CHRNA3: variants seen among roughly 807,000 people sequenced by gnomAD.
CHRNA3 encodes cholinergic receptor nicotinic alpha 3 subunit, also known as neuronal acetylcholine receptor subunit alpha-3.
CHRNA3 carries 34 observed loss-of-function variants against 41.9 expected under a neutral mutation model. The observed-to-expected ratio is 0.81, with a 90% CI of 0.62 to 1.08. CHRNA3 has a LOEUF of 1.08. Ranked by LOEUF, CHRNA3 falls within the 50% of genes least tolerant of loss-of-function variation. CHRNA3 has a pLI of 0.00. For synonymous variants in CHRNA3, 281 were observed against 265.2 expected, an observed-to-expected ratio of 1.06 and a Z score of -0.58; for missense variants, 542 against 638.3, an observed-to-expected ratio of 0.85 and a Z score of 1.63.
At chr15:78,605,401 T>C (rs2053267994) in intron 4 of CHRNA3, among the ~76,000 whole-genome samples, 1 of 152,170 alleles carries the variant, frequency 6.6e-6, no homozygotes. Context: ...CCACATGCGA[T>C]TAGCTGCGGG....
At chr15:78,618,120 A>G (rs8192478) in intron 3 of CHRNA3, among the ~76,000 whole-genome samples, 56,143 of 151,508 alleles carry the variant, frequency 0.37, 11,458 homozygotes, top group East Asian at 0.53. Context: ...GGTGGTGCAC[A>G]GCTGTGGTCC....
chr15:78,608,235 C>G (rs1023048871), intron 4 of CHRNA3, among the ~76,000 whole-genome samples: 1 of 152,224 alleles, frequency 6.6e-6, no homozygotes, highest in African/African-American at 2.4e-5. Context: ...CAGCACGCAG[C>G]TGGAAATCTG....
rs76094327 is a variant in CHRNA3, at chr15:78,601,523, G to A, written c.1119C>T (p.Tyr373=). 1.1e-5 allele frequency: 17 copies of A among 1,614,060 alleles called. No homozygotes were observed. Among genetic ancestry groups the A allele is most frequent in the Middle Eastern group, 1.6e-4 (1 of 6,084 alleles). The part of the protein sequence containing the change: ...EGNAQKPRPL[Y]GAELSNLNCF... ...AATTCAGATTTGAGAGCTCGGCACCGTAGAGGGGCCTCGGCTTCTGAGCGT... is the reference window on the plus strand; with the variant it reads ...AATTCAGATTTGAGAGCTCGGCACCATAGAGGGGCCTCGGCTTCTGAGCGT... Residue 373 remains tyrosine, a synonymous_variant, in exon 5 of 6, where the codon TAC becomes TAT. Transcript: ENST00000326828.
intron 1 of CHRNA3, 60 bp from the exon 2 acceptor site, chr15:78,618,975 C>T: frequency 6.3e-7 from 1 of 1,580,780 alleles, no homozygotes; most frequent in Admixed American, 1.7e-5. Context: ...CCCCACCCAG[C>T]CCAGCAGAAA....
chr15:78,617,205 AC>A, intron 3 of CHRNA3, 72 bp from the exon 4 acceptor site: 1 of 977,430 alleles, frequency 1.0e-6, no homozygotes, highest in Non-Finnish European at 1.6e-6. Flanking sequence ...CCGTGGCACC[AC>A]CCATCTTGGT....
At chr15:78,606,501 TCAGAA>T (rs1384785762) in intron 4 of CHRNA3, among the ~76,000 whole-genome samples, 1 of 151,596 alleles carries the variant, frequency 6.6e-6, no homozygotes, top group Non-Finnish European at 1.5e-5. Flanking sequence ...AGAACAGAAA[TCAGAA>T]AAGATAAGGG....
At chr15:78,617,197 G>A (rs3743073) in intron 3 of CHRNA3, 64 bp from the exon 4 acceptor site, 5 of 1,087,292 alleles carry the variant, frequency 4.6e-6, no homozygotes, top group East Asian at 2.4e-5. Context: ...TTTACTTCCC[G>A]TGGCACCACC....
downstream of CHRNA3, chr15:78,595,271 CTTTCT>C (rs576101335): frequency 1.7e-4 from 165 of 984,718 alleles, 3 homozygotes; most frequent in South Asian, 6.5e-3. Flanking sequence ...TTATCGACAT[CTTTCT>C]TTTGACTTAT....
At chr15:78,616,364 C>G (rs1446644520) in intron 4 of CHRNA3, among the ~76,000 whole-genome samples, 152 of 133,400 alleles carry the variant, frequency 1.1e-3, no homozygotes, top group African/African-American at 3.9e-3. Context: ...CCCCCCACCC[C>G]CCCAAAAAAA....
rs986081699 is a variant in CHRNA3, at chr15:78,619,077, G to T, written c.83-162C>A. On this transcript the variant is annotated intron_variant, in intron 1 of 5. Coordinates refer to ENST00000326828, the MANE Select transcript of CHRNA3 (RefSeq NM_000743.5). ...AGTCTAACCCAGTGGGTTACAAAAT[G>T]GGAAACTGAGGCCCAAGAGGGGCAG... 12 of 766,810 alleles carry T rather than the reference G, an allele frequency of 1.6e-5. No homozygotes were observed. The Middle Eastern group carries it at 1.2e-3, about 74-fold the overall frequency. The allele number at this position is 766,810 out of a possible 1,614,324, so 47.5% of individuals were successfully genotyped here. A position where few individuals can be genotyped will look rare whatever the true frequency, so the allele number is the denominator to read the frequency against.
In CHRNA3 at chr15:78,620,795, G is replaced by C. The variant is rs1266430193; in HGVS notation, c.-1C>G. On this transcript the variant is annotated 5_prime_UTR_variant, in exon 1 of 6. Coordinates refer to ENST00000326828, the MANE Select transcript of CHRNA3 (RefSeq NM_000743.5). ...GCAGCGAGAGCGGGCCAGAGCCCATGGCTGGTGGCCGGGCTGGCCGCGGAC... is the reference window on the plus strand; with the variant it reads ...GCAGCGAGAGCGGGCCAGAGCCCATCGCTGGTGGCCGGGCTGGCCGCGGAC... 6.9e-7 allele frequency: 1 copy of C among 1,438,942 alleles called. No individual in the cohort carries two copies. Among genetic ancestry groups the C allele is most frequent in the Admixed American group, 2.9e-5 (1 of 34,870 alleles). The allele number at this position is 1,438,942 out of a possible 1,614,324, so 89.1% of individuals were successfully genotyped here.
chr15:78,609,558 T>C (rs905870925), intron 4 of CHRNA3, among the ~76,000 whole-genome samples: 13 of 152,108 alleles, frequency 8.5e-5, no homozygotes, highest in Non-Finnish European at 1.6e-4. Context: ...AGGCCTGCCC[T>C]AAAAGAGCTC....
intron 4 of CHRNA3, among the ~76,000 whole-genome samples, chr15:78,604,108 G>A (rs1446026427): frequency 2.0e-5 from 3 of 152,314 alleles, no homozygotes; most frequent in Admixed American, 6.5e-5. Flanking sequence ...TGGTCCAGGG[G>A]TTGGCAAGCT....
intron 4 of CHRNA3, chr15:78,607,518 G>A (rs1345167779): frequency 6.6e-6 from 1 of 152,246 alleles, no homozygotes; most frequent in Non-Finnish European, 1.5e-5. Context: ...GGCTAAGTCA[G>A]GAGATTGAGA....
chr15:78,602,258 A>G lies in CHRNA3; in HGVS notation c.384T>C (p.Val128=). 1 of 1,613,406 alleles carries G rather than the reference A, an allele frequency of 6.2e-7. No homozygotes were observed. Among genetic ancestry groups the G allele is most frequent in the Non-Finnish European group, 8.5e-7 (1 of 1,179,500 alleles). The stretch of plus-strand genomic sequence containing the variant: ...TCTTGTCGTCCACCTGGAAATCCCC[A>G]ACAGCACTGCAAAGACAAAGAGGGG... ...KPDIVLYNNA[V]GDFQVDDKTK... Residue 128 remains valine (V), a synonymous_variant, in exon 5 of 6, where the codon GTT becomes GTC. Transcript: ENST00000326828.
chr15:78,620,587 G>C (rs2053534186), intron 1 of CHRNA3, 126 bp downstream of exon 1: 1 of 1,359,846 alleles, frequency 7.4e-7, no homozygotes, highest in Non-Finnish European at 9.4e-7. Flanking sequence ...CGCGGGTTCC[G>C]AGTCCCCGGC....
intron 4 of CHRNA3, among the ~76,000 whole-genome samples, chr15:78,616,435 C>G (rs1400974457): frequency 1.3e-5 from 2 of 148,266 alleles, no homozygotes; most frequent in Non-Finnish European, 3.0e-5. Context: ...ACAGCTTAGG[C>G]CCACCCAGCT....
At chr15:78,613,412 C>T (rs1057295549) in intron 4 of CHRNA3, among the ~76,000 whole-genome samples, 26 of 152,118 alleles carry the variant, frequency 1.7e-4, no homozygotes, top group African/African-American at 6.0e-4. Flanking sequence ...GAGTTCATGT[C>T]CTTTGTAGGG....
chr15:78,617,725 C>CATCTGGCT (rs1468856558), intron 3 of CHRNA3, among the ~76,000 whole-genome samples: 1 of 152,140 alleles, frequency 6.6e-6, no homozygotes, highest in Non-Finnish European at 1.5e-5. Flanking sequence ...GCACTGTGCC[C>CATCTGGCT]ATCTGGCTTT....
Sources: allele counts gnomAD v4.1 joint callset (sites outside exome capture counted in the v4.1 genomes callset), GRCh38; gene constraint gnomAD v4.1.1; transcripts MANE v1.5; gene names NCBI Gene and HGNC (gene_info 2026-07-23, HGNC 2026-07-21).